Variants in GALNT12 observed in about 807,000 individuals in gnomAD.
GALNT12 encodes the protein polypeptide N-acetylgalactosaminyltransferase 12.
GALNT12 carries 45 observed loss-of-function variants against 55.5 expected under a neutral mutation model. The ratio of observed to expected loss-of-function variants is 0.81; its 90% CI spans 0.64 to 1.04. The LOEUF (loss-of-function observed/expected upper bound fraction) is 1.04. GALNT12 is among the 50% of genes least tolerant of loss of function. The pLI is 0.00. For synonymous variants in GALNT12, 304 were observed against 312.2 expected (o/e 0.97, Z 0.28); for missense variants, 709 against 754.8 (o/e 0.94, Z 0.71).
At chr9:98,838,639 A>C (rs1396771927) in intron 6 of GALNT12, among the ~76,000 whole-genome samples, 4 of 152,130 alleles carry the variant, frequency 2.6e-5, no homozygotes, top group African/African-American at 9.7e-5. Flanking sequence ...TTCAGATGAA[A>C]CACAGTCCAC....
chr9:98,837,371 A>G (rs899566634), intron 6 of GALNT12, among the ~76,000 whole-genome samples: 3 of 152,216 alleles, frequency 2.0e-5, no homozygotes, highest in Admixed American at 6.5e-5. Flanking sequence ...CAAATGCTGA[A>G]TTCATGAAAA....
intron 1 of GALNT12, among the ~76,000 whole-genome samples, chr9:98,818,465 T>C (rs2118324199): frequency 6.6e-6 from 1 of 152,274 alleles, no homozygotes; most frequent in African/African-American, 2.4e-5. Flanking sequence ...CCTCAGGTCA[T>C]CTGCCGGCCT....
chr9:98,846,358 G>A lies in GALNT12; in HGVS notation c.1605+235G>A, dbSNP rs564986735. 4.6e-5 allele frequency among the ~76,000 whole-genome samples: 7 copies of A among 152,236 alleles called. No homozygotes were observed. The South Asian group carries it at 1.0e-3, about 23-fold the overall frequency. ...ATTAGCACTGCCTTCCTTCCTCATT[G>A]TCCAGTCCCTTTTAGTCTTTTCCAT... On this transcript the variant is annotated intron_variant, in intron 9 of 9. Coordinates refer to ENST00000375011, the MANE Select transcript of GALNT12 (RefSeq NM_024642.5).
chr9:98,839,032 G>A (rs1379178049), intron 6 of GALNT12, among the ~76,000 whole-genome samples: 1 of 152,140 alleles, frequency 6.6e-6, no homozygotes, highest in Non-Finnish European at 1.5e-5. Flanking sequence ...ATGGTCATTT[G>A]CTTCTGCCTC....
At chr9:98,832,476 G>A (rs940293117) in intron 4 of GALNT12, among the ~76,000 whole-genome samples, 112 of 152,292 alleles carry the variant, frequency 7.4e-4, no homozygotes, top group African/African-American at 1.8e-3. Context: ...CTATGATCAC[G>A]CAATTGTACT....
chr9:98,822,023 GGCCCAGTA>G (rs1296004945), intron 1 of GALNT12, among the ~76,000 whole-genome samples: 4 of 152,166 alleles, frequency 2.6e-5, no homozygotes, highest in Non-Finnish European at 5.9e-5. Flanking sequence ...ACTGATAAAG[GGCCCAGTA>G]GCACATGCTG....
chr9:98,836,949 C>T, intron 5 of GALNT12, 23 bp from the exon 6 acceptor site: 1 of 1,613,676 alleles, frequency 6.2e-7, no homozygotes, highest in South Asian at 1.1e-5. Flanking sequence ...CACCACCTGG[C>T]CTCTCCTTTT....
chr9:98,832,024 G>GC, intron 4 of GALNT12, 67 bp downstream of exon 4: 1 of 1,393,050 alleles, frequency 7.2e-7, no homozygotes, highest in Middle Eastern at 1.8e-4. Context: ...TGACCTGTGA[G>GC]CGGAGGCCCT....
At chr9:98,836,498 G>A (rs887216968) in intron 5 of GALNT12, among the ~76,000 whole-genome samples, 1 of 152,186 alleles carries the variant, frequency 6.6e-6, no homozygotes, top group Non-Finnish European at 1.5e-5. Context: ...CGCCTGTTGA[G>A]TCTTTGGGTG....
chr9:98,809,337 G>A (rs771913976), intron 1 of GALNT12, among the ~76,000 whole-genome samples: 6 of 152,146 alleles, frequency 3.9e-5, no homozygotes, highest in Non-Finnish European at 7.4e-5. Flanking sequence ...AAACTTTGTT[G>A]GGATTGATAG....
intron 3 of GALNT12, among the ~76,000 whole-genome samples, chr9:98,829,028 C>T (rs981222457): frequency 1.1e-4 from 16 of 152,048 alleles, no homozygotes; most frequent in African/African-American, 2.7e-4. Context: ...CAGAGTTTCA[C>T]GATGTTGGCC....
intron 9 of GALNT12, among the ~76,000 whole-genome samples, chr9:98,847,761 C>T (rs1836452505): frequency 6.6e-6 from 1 of 151,264 alleles, no homozygotes; most frequent in Non-Finnish European, 1.5e-5. Context: ...GAAATGTCCC[C>T]ACTTATATTC....
In GALNT12 at chr9:98,807,984, G is replaced by T; in HGVS notation, c.286G>T (p.Glu96Ter). The part of the protein sequence containing the change: ...LQGEELRLQE[E>*]SVRLHQINIY... ...GGGCGAGGAGCTGCGGCTGCAGGAGGAGAGCGTGCGGCTGCACCAGATTAA... is the reference window on the plus strand; with the variant it reads ...GGGCGAGGAGCTGCGGCTGCAGGAGTAGAGCGTGCGGCTGCACCAGATTAA... The change falls in exon 1 of 10, where the codon GAG becomes TAG. Residue 96 changes from glutamate to a stop codon, truncating the protein, a stop_gained. Transcript: ENST00000375011. LOFTEE classifies it high-confidence loss of function. 6.6e-7 allele frequency: 1 copy of T among 1,518,840 alleles called. No homozygotes were observed. 94.1% of individuals were successfully genotyped at this position (1,518,840 alleles called of 1,614,324 possible).
At chr9:98,813,374 A>C (rs1835534200) in intron 1 of GALNT12, among the ~76,000 whole-genome samples, 1 of 152,214 alleles carries the variant, frequency 6.6e-6, no homozygotes, top group African/African-American at 2.4e-5. Context: ...TTATTTAAGC[A>C]TATTAAGCAT....
chr9:98,845,491 AACC>A (rs569483752), intron 8 of GALNT12, among the ~76,000 whole-genome samples: 106 of 152,178 alleles, frequency 7.0e-4, no homozygotes, highest in Non-Finnish European at 1.1e-3. Context: ...GTCCGGGAAG[AACC>A]AAGTCTTCCC....
chr9:98,815,228 C>CT (rs1347272332), intron 1 of GALNT12, among the ~76,000 whole-genome samples: 3 of 152,192 alleles, frequency 2.0e-5, no homozygotes, highest in Non-Finnish European at 4.4e-5. Flanking sequence ...TTTTTCAACT[C>CT]TATCATAGTA....
intron 2 of GALNT12, among the ~76,000 whole-genome samples, chr9:98,826,302 C>G (rs1835855042): frequency 6.6e-6 from 1 of 152,160 alleles, no homozygotes; most frequent in African/African-American, 2.4e-5. Flanking sequence ...ATTATTGTTA[C>G]TACTACTGAA....
intron 5 of GALNT12, among the ~76,000 whole-genome samples, chr9:98,836,270 G>A (rs1458448012): frequency 6.6e-6 from 1 of 152,176 alleles, no homozygotes; most frequent in Non-Finnish European, 1.5e-5. Context: ...AAAACTTTGT[G>A]TAAATGTTGG....
At chr9:98,843,058 T>C (rs952133317) in intron 7 of GALNT12, among the ~76,000 whole-genome samples, 12 of 152,220 alleles carry the variant, frequency 7.9e-5, no homozygotes, top group South Asian at 2.1e-4. Flanking sequence ...ATTTTTCTCA[T>C]TGGGCAGAGA....
Sources: gnomAD v4.1 joint callset for allele counts (sites outside exome capture counted in the v4.1 genomes callset) on GRCh38, gnomAD v4.1.1 for gene constraint, MANE v1.5 for transcripts, NCBI Gene and HGNC (gene_info 2026-07-23, HGNC 2026-07-21) for gene names.